ZNF420: variants seen among roughly 807,000 people sequenced by gnomAD.
The protein encoded by ZNF420 is zinc finger protein 420.
In ZNF420, 31 loss-of-function variants were observed where a neutral mutation model predicts 44.7. The observed-to-expected ratio is 0.69, with a 90% CI of 0.52 to 0.94. ZNF420 has a LOEUF of 0.94. Among genes scored for constraint, ZNF420 ranks in the 40% least tolerant of loss-of-function variants. The pLI is 0.00. For missense variants in ZNF420, 681 were observed against 827.9 expected (o/e 0.82, Z 2.18); for synonymous variants, 245 against 267.4 (o/e 0.92, Z 0.82).
intron 1 of ZNF420, among the ~76,000 whole-genome samples, chr19:37,043,417 C>G (rs1261434882): frequency 6.6e-6 from 1 of 152,252 alleles, no homozygotes; most frequent in African/African-American, 2.4e-5. Flanking sequence ...AAAGTATCCT[C>G]AACACATTTA....
chr19:37,095,046 G>A (rs548838684), intron 4 of ZNF420, among the ~76,000 whole-genome samples: 18 of 151,320 alleles, frequency 1.2e-4, no homozygotes, highest in African/African-American at 3.4e-4. Context: ...CAGGAGAATC[G>A]CTTGAACCTG....
At chr19:37,089,578 A>G (rs1969020931) in intron 3 of ZNF420, among the ~76,000 whole-genome samples, 1 of 152,346 alleles carries the variant, frequency 6.6e-6, no homozygotes, top group Non-Finnish European at 1.5e-5. Context: ...GACTGAATAC[A>G]GAGAGATCAG....
intron 1 of ZNF420, among the ~76,000 whole-genome samples, chr19:37,028,631 C>T (rs1035298559): frequency 6.6e-6 from 1 of 152,264 alleles, no homozygotes; most frequent in South Asian, 2.1e-4. Flanking sequence ...TCTTGAGGAT[C>T]TCTATTACTG....
chr19:37,023,470 A>T (rs900632742), intron 1 of ZNF420, among the ~76,000 whole-genome samples: 7 of 151,656 alleles, frequency 4.6e-5, no homozygotes, highest in African/African-American at 1.7e-4. Context: ...GGTTCCAGGG[A>T]TTCTCTTGCC....
At chr19:37,074,811 G>GA (rs1220250443), upstream of ZNF420, among the ~76,000 whole-genome samples, 1 of 152,172 alleles carries the variant, frequency 6.6e-6, no homozygotes, top group East Asian at 1.9e-4. Flanking sequence ...CATGCAGACA[G>GA]AGATTAAGCA....
rs373345860 is a variant in ZNF420 at position 37,059,126 on chromosome 19, T to A, written c.-124-21219T>A. Among the ~76,000 whole-genome samples the A allele has an allele frequency of 1.5e-3, 224 of 152,272 alleles. 2 individuals carry two copies. The highest frequency in any genetic ancestry group is 8.4e-3 in the East Asian group (43 of 5,148). ...AGTCCTGAGAGCCCAGCAGGCGCCC[T>A]GAAGCTCCCCCTCCACCGGTGGAAG... On this transcript the variant is annotated intron_variant, in intron 1 of 4. Transcript: ENST00000587029.
chr19:37,020,008 G>C (rs575119343), intron 1 of ZNF420, among the ~76,000 whole-genome samples: 1 of 151,998 alleles, frequency 6.6e-6, no homozygotes, highest in East Asian at 1.9e-4. Flanking sequence ...ATAAGGTCAG[G>C]AGATCGAGAA....
chr19:37,102,051 G>T (rs1361271400), intron 4 of ZNF420, among the ~76,000 whole-genome samples: 1 of 152,128 alleles, frequency 6.6e-6, no homozygotes, highest in African/African-American at 2.4e-5. Context: ...TGGGACAGAG[G>T]CTTCCATGCA....
chr19:37,059,286 C>G (rs997626388), intron 1 of ZNF420, among the ~76,000 whole-genome samples: 2 of 152,198 alleles, frequency 1.3e-5, no homozygotes, highest in African/African-American at 2.4e-5. Context: ...GCTTCCCTGC[C>G]TTAGCGCAGC....
At chr19:37,110,166 G>A (rs1970311797) in intron 4 of ZNF420, among the ~76,000 whole-genome samples, 1 of 152,214 alleles carries the variant, frequency 6.6e-6, no homozygotes. Context: ...TGTCTGGCAG[G>A]TTGTCCATAT....
chr19:37,106,723 C>T (rs1970106945), intron 4 of ZNF420: 2 of 152,110 alleles, frequency 1.3e-5, no homozygotes, highest in Non-Finnish European at 2.9e-5. Flanking sequence ...AAGAAAGAGA[C>T]AGAGACAAAG....
At chr19:37,068,063 AC>A (rs558178413) in intron 1 of ZNF420, among the ~76,000 whole-genome samples, 64 of 152,268 alleles carry the variant, frequency 4.2e-4, no homozygotes, top group African/African-American at 1.3e-3. Flanking sequence ...AGATTATACC[AC>A]AAAGATAGCA....
chr19:37,046,591 G>T (rs1006318979), intron 1 of ZNF420, among the ~76,000 whole-genome samples: 2 of 152,144 alleles, frequency 1.3e-5, no homozygotes, highest in African/African-American at 4.8e-5. Flanking sequence ...AGTAGTTACC[G>T]CTGGGGCTGA....
At chr19:37,114,105 T>C (rs1270060165) in intron 4 of ZNF420, among the ~76,000 whole-genome samples, 1 of 152,150 alleles carries the variant, frequency 6.6e-6, no homozygotes, top group African/African-American at 2.4e-5. Context: ...CTTCAGGTGG[T>C]ATCGGTTCTA....
At chr19:37,118,796 CAAAA>C (rs551938956) in intron 4 of ZNF420, among the ~76,000 whole-genome samples, 1 of 150,918 alleles carries the variant, frequency 6.6e-6, no homozygotes, top group Non-Finnish European at 1.5e-5. Context: ...AAATGGAAAA[CAAAA>C]AAAGGCAGGG....
At chr19:37,058,129 C>T (rs887884834) in intron 1 of ZNF420, among the ~76,000 whole-genome samples, 1 of 152,158 alleles carries the variant, frequency 6.6e-6, no homozygotes, top group Non-Finnish European at 1.5e-5. Flanking sequence ...ATGTCTTCAA[C>T]AAAGAACACT....
At chr19:37,034,878 A>T (rs1419650160) in intron 1 of ZNF420, among the ~76,000 whole-genome samples, 2 of 152,232 alleles carry the variant, frequency 1.3e-5, no homozygotes, top group Non-Finnish European at 2.9e-5. Flanking sequence ...AAGATAAAAT[A>T]AGATGAGATA....
intron 1 of ZNF420, among the ~76,000 whole-genome samples, chr19:37,061,945 T>C (rs1478995668): frequency 6.6e-6 from 1 of 152,230 alleles, no homozygotes; most frequent in African/African-American, 2.4e-5. Context: ...TTAACAACTC[T>C]TTAATTCTCA....
At chr19:37,081,793 A>C (rs1206402793) in intron 2 of ZNF420, among the ~76,000 whole-genome samples, 1 of 127,998 alleles carries the variant, frequency 7.8e-6, no homozygotes, top group African/African-American at 3.1e-5. Context: ...TGATCTGCCC[A>C]CCTCGGCCTC....
Sources: allele counts gnomAD v4.1 joint callset (sites outside exome capture counted in the v4.1 genomes callset), GRCh38; gene constraint gnomAD v4.1.1; transcripts MANE v1.5; gene names NCBI Gene and HGNC (gene_info 2026-07-23, HGNC 2026-07-21).